Variants in HSD17B14 observed in about 807,000 individuals in gnomAD.
The protein encoded by HSD17B14 is hydroxysteroid 17-beta dehydrogenase 14.
HSD17B14 carries 32 observed loss-of-function variants against 32.2 expected under a neutral mutation model. The observed-to-expected ratio is 0.99, with a 90% CI of 0.75 to 1.33. The LOEUF (loss-of-function observed/expected upper bound fraction) is 1.33, where lower values mean the gene tolerates loss of function less well. Among genes scored for constraint, HSD17B14 ranks in the 40% most tolerant of loss-of-function variants. HSD17B14 has a pLI of 0.00. For missense variants in HSD17B14, 370 were observed against 366.5 expected, an observed-to-expected ratio of 1.01 and a Z score of -0.08; for synonymous variants, 140 against 155.4, an observed-to-expected ratio of 0.90 and a Z score of 0.74.
chr19:48,824,184 G>A (rs990803146), intron 5 of HSD17B14, among the ~76,000 whole-genome samples: 3 of 150,396 alleles, frequency 2.0e-5, no homozygotes, highest in African/African-American at 7.3e-5. Flanking sequence ...AACCCAGGAA[G>A]GCAGAGGTTG....
At chr19:48,818,121 G>A (rs1018844574) in intron 5 of HSD17B14, among the ~76,000 whole-genome samples, 1 of 151,932 alleles carries the variant, frequency 6.6e-6, no homozygotes, top group East Asian at 1.9e-4. Flanking sequence ...GACCAGACTG[G>A]TCAACATGGC....
chr19:48,832,953 C>A (rs1289501505), intron 3 of HSD17B14, among the ~76,000 whole-genome samples: 2 of 151,700 alleles, frequency 1.3e-5, no homozygotes, highest in East Asian at 3.9e-4. Context: ...CAGGGATTCA[C>A]TAGGTTAGCC....
intron 5 of HSD17B14, among the ~76,000 whole-genome samples, chr19:48,821,990 TG>T (rs2035159121): frequency 7.1e-6 from 1 of 141,582 alleles, no homozygotes; most frequent in South Asian, 2.3e-4. Flanking sequence ...ATTGTGGTAA[TG>T]GTGATGATGA....
At chr19:48,829,250 A>AC (rs1236862322) in intron 5 of HSD17B14, among the ~76,000 whole-genome samples, 5 of 151,802 alleles carry the variant, frequency 3.3e-5, no homozygotes, top group Admixed American at 6.6e-5. Flanking sequence ...GTGCAGTGGC[A>AC]CAATCACGGC....
chr19:48,828,489 ACCC>A (rs931857656), intron 5 of HSD17B14, among the ~76,000 whole-genome samples: 3 of 152,094 alleles, frequency 2.0e-5, no homozygotes, highest in African/African-American at 7.2e-5. Flanking sequence ...ATAGTGGTGC[ACCC>A]CTGTGGTCCC....
chr19:48,822,697 T>C (rs1029557527), intron 5 of HSD17B14, among the ~76,000 whole-genome samples: 7 of 151,484 alleles, frequency 4.6e-5, no homozygotes, highest in Non-Finnish European at 8.9e-5. Context: ...GTGGCAATGA[T>C]GGTGATGCTG....
intron 5 of HSD17B14, among the ~76,000 whole-genome samples, chr19:48,823,971 G>A (rs2035200847): frequency 1.3e-5 from 2 of 148,962 alleles, no homozygotes; most frequent in Admixed American, 1.3e-4. Context: ...GTTTAACATT[G>A]AGGCCAGGCA....
At chr19:48,820,160 C>CA (rs767756351) in intron 5 of HSD17B14, among the ~76,000 whole-genome samples, 4 of 151,348 alleles carry the variant, frequency 2.6e-5, no homozygotes, top group Non-Finnish European at 4.4e-5. Context: ...CGATCTCTAA[C>CA]AAAAAACAAA....
chr19:48,832,620 T>G (rs563845406), intron 4 of HSD17B14, 46 bp downstream of exon 4: 1 of 1,527,796 alleles, frequency 6.5e-7, no homozygotes, highest in South Asian at 1.1e-5. Context: ...GGAAACAGAG[T>G]TGGGGGGCAG....
chr19:48,835,823 CCA>C lies in HSD17B14; in HGVS notation c.107_108del (p.Val36GlyfsTer7), dbSNP rs1159387092. On this transcript the variant is annotated frameshift_variant, in exon 2 of 9. Coordinates refer to ENST00000263278, the MANE Select transcript of HSD17B14 (RefSeq NM_016246.3). LOFTEE classifies it high-confidence loss of function. ...VRAFVNSGARVVICDKDESGG... is the reference protein window; with the variant it reads ...VRAFVNSGARXVICDKDESGG... ...CACTCACCATCCTTGTCGCAGATAA[CCA>C]CTCGGGCCCCGCTGTTCACTGAGAA... The C allele has an allele frequency of 6.2e-7, 1 of 1,613,494 alleles. No individual in the cohort carries two copies. Among genetic ancestry groups the C allele is most frequent in the Non-Finnish European group, 8.5e-7 (1 of 1,179,736 alleles).
intron 5 of HSD17B14, among the ~76,000 whole-genome samples, chr19:48,818,130 G>A (rs1437634116): frequency 1.3e-5 from 2 of 151,856 alleles, no homozygotes; most frequent in Non-Finnish European, 2.9e-5. Flanking sequence ...GGTCAACATG[G>A]CAAAACCCCA....
rs775804961 is a variant in HSD17B14, at chr19:48,816,812, TTTCTTTCTTTC to T, written c.370-1682_370-1672del. ...CTTTCTTTCTTTCTTTCTTTCTTTC[TTTCTTTCTTTC>T]TTTTCTTTCTCTCTCTCTCTCTCTT... On this transcript the variant is annotated intron_variant, in intron 5 of 8. Transcript: ENST00000263278. 5.4e-3 allele frequency among the ~76,000 whole-genome samples: 473 copies of T among 87,148 alleles called. 2 individuals carry two copies. The highest frequency in any genetic ancestry group is 0.01 in the Admixed American group (84 of 8,012). The allele number at this position is 87,148 out of a possible 152,430, so 57.2% of individuals were successfully genotyped here. A position where few individuals can be genotyped will look rare whatever the true frequency, so the allele number is the denominator to read the frequency against.
chr19:48,836,419 A>T lies in HSD17B14; in HGVS notation c.-8T>A. The T allele has an allele frequency of 6.2e-7, 1 of 1,612,262 alleles. No individual in the cohort carries two copies. Among genetic ancestry groups the T allele is most frequent in the Non-Finnish European group, 8.5e-7 (1 of 1,179,918 alleles). On this transcript the variant is annotated 5_prime_UTR_variant, in exon 1 of 9. Transcript: ENST00000263278. ...GCGCGTTCCCGTAGCCATCCCGTGT[A>T]CGTCGGTCTCTCTCTCTCTCTACTC...
intron 3 of HSD17B14, 90 bp from the exon 4 acceptor site, chr19:48,832,822 T>C: frequency 1.8e-6 from 2 of 1,081,874 alleles, no homozygotes; most frequent in Non-Finnish European, 2.8e-6. Flanking sequence ...GGCACGATCT[T>C]GGCTCACTGC....
intron 5 of HSD17B14, among the ~76,000 whole-genome samples, chr19:48,821,791 G>A (rs1190292768): frequency 6.6e-6 from 1 of 151,482 alleles, no homozygotes; most frequent in Non-Finnish European, 1.5e-5. Flanking sequence ...TGAAGATGCT[G>A]ATGATCGTAG....
Position 48,834,583 on chromosome 19 carries a change from C to T in HSD17B14, c.128-225G>A, listed in dbSNP as rs112763808. ...GGCTGGGAGCCTGGACTCCTGGGTC[C>T]GAGGAAGTAGGGCCTGGGGGCCTGG... On this transcript the variant is annotated intron_variant, in intron 2 of 8. Coordinates refer to ENST00000263278, the MANE Select transcript of HSD17B14 (RefSeq NM_016246.3). Among the ~76,000 whole-genome samples the T allele has an allele frequency of 1.2e-3, 57 of 48,868 alleles. 1 individual carries two copies. Among genetic ancestry groups the T allele is most frequent in the African/African-American group, 2.7e-3 (11 of 4,132 alleles). 32.1% of individuals were successfully genotyped at this position (48,868 alleles called of 152,430 possible).
Position 48,834,280 on chromosome 19 carries a change from A to G in HSD17B14, c.206T>C (p.Val69Ala), listed in dbSNP as rs752270398. ...ILCDVTQEDDVKTLVSETIRR... is the reference protein window; with the variant it reads ...ILCDVTQEDDAKTLVSETIRR... ...AGGAACAGGAACTCGGCTTACCTTC[A>G]CATCATCTTCCTGAGTCACATCACA... The change falls in exon 3 of 9, where the codon GTG becomes GCG. Residue 69 changes from valine (V) to alanine (A), a missense_variant. Physicochemically the swap from Val to Ala is moderately conservative, Grantham distance 64. Transcript: ENST00000263278. 9.3e-6 allele frequency: 15 copies of G among 1,613,572 alleles called. No homozygotes were observed. The Admixed American group carries it at 1.2e-4, about 13-fold the overall frequency.
chr19:48,826,542 T>TATATATATATATATACACACAC, intron 5 of HSD17B14, among the ~76,000 whole-genome samples: 3 of 80,110 alleles, frequency 3.7e-5, no homozygotes, highest in African/African-American at 1.6e-4. Flanking sequence ...TATATATATA[T>TATATATATATATATACACACAC]ACACACACAC....
intron 5 of HSD17B14, among the ~76,000 whole-genome samples, chr19:48,824,241 C>CGAGATTCCATCAAATAAATA (rs1241509558): frequency 6.9e-6 from 1 of 144,818 alleles, no homozygotes; most frequent in Non-Finnish European, 1.5e-5. Context: ...GGCAACATAG[C>CGAGATTCCATCAAATAAATA]AAGACCTCCT....
Sources: allele counts gnomAD v4.1 joint callset (sites outside exome capture counted in the v4.1 genomes callset), GRCh38; gene constraint gnomAD v4.1.1; transcripts MANE v1.5; gene names NCBI Gene and HGNC (gene_info 2026-07-23, HGNC 2026-07-21).